Variants in WIPF3 observed in about 807,000 individuals in gnomAD.
The protein encoded by WIPF3 is WAS/WASL interacting protein family member 3, also known as WAS/WASL-interacting protein family member 3.
Under a neutral mutation model 38.9 loss-of-function variants are expected in WIPF3, and 33 were observed. The observed-to-expected ratio is 0.85, with a 90% CI of 0.64 to 1.14. The LOEUF is 1.14. WIPF3 is among the 50% of genes most tolerant of loss of function. WIPF3 has a pLI of 0.00. For synonymous variants in WIPF3, 324 were observed against 269.3 expected (o/e 1.20, Z -1.99); for missense variants, 711 against 652.5 (o/e 1.09, Z -0.98).
intron 4 of WIPF3, among the ~76,000 whole-genome samples, chr7:29,880,916 G>T (rs572221213): frequency 5.3e-5 from 8 of 152,170 alleles, no homozygotes; most frequent in African/African-American, 1.7e-4. Context: ...TTGAGCCTTT[G>T]CTCCCTCTCT....
At chr7:29,888,678 GC>G (rs1785942759) in intron 6 of WIPF3, among the ~76,000 whole-genome samples, 1 of 152,170 alleles carries the variant, frequency 6.6e-6, no homozygotes, top group Admixed American at 6.5e-5. Flanking sequence ...CAGATGTGAA[GC>G]CGTGGAATCT....
rs376450346 is a variant in WIPF3, at chr7:29,883,986, A to C, written c.492A>C (p.Thr164=). The change falls in exon 5 of 9, where the codon ACA becomes ACC. Residue 164 remains threonine (T), a synonymous_variant. Coordinates refer to ENST00000242140, the MANE Select transcript of WIPF3 (RefSeq NM_001080529.3). ...NTSEAHGAAR[T]APPRPNVPAP... ...CCGAGGCGCATGGCGCTGCCAGGAC[A>C]GCCCCGCCTCGCCCCAACGTGCCTG... 1,359 of 1,535,700 alleles carry C rather than the reference A, an allele frequency of 8.8e-4. 10 individuals are homozygous for C. The African/African-American group carries it at 0.011, about 13-fold the overall frequency.
intron 2 of WIPF3, among the ~76,000 whole-genome samples, chr7:29,868,015 A>T (rs1026840830): frequency 6.6e-6 from 1 of 152,248 alleles, no homozygotes; most frequent in Non-Finnish European, 1.5e-5. Context: ...CAAGACCAAT[A>T]TGTAGAAGCT....
At chr7:29,857,895 A>G (rs1276478993) in intron 2 of WIPF3, among the ~76,000 whole-genome samples, 2 of 152,230 alleles carry the variant, frequency 1.3e-5, no homozygotes, top group African/African-American at 2.4e-5. Context: ...CAAGACTTAC[A>G]TTCTGTATTT....
At chr7:29,838,960 C>T (rs182965900) in intron 2 of WIPF3, among the ~76,000 whole-genome samples, 4 of 152,222 alleles carry the variant, frequency 2.6e-5, no homozygotes, top group African/African-American at 7.2e-5. Flanking sequence ...TGTATGATCC[C>T]ATGTATATAA....
At chr7:29,891,847 G>A (rs1786031218) in intron 7 of WIPF3, among the ~76,000 whole-genome samples, 1 of 152,196 alleles carries the variant, frequency 6.6e-6, no homozygotes, top group South Asian at 2.1e-4. Flanking sequence ...AAGCCAGAGA[G>A]AGAGGGTCAC....
At chr7:29,893,567 G>T (rs1474008337) in intron 7 of WIPF3, among the ~76,000 whole-genome samples, 1 of 152,168 alleles carries the variant, frequency 6.6e-6, no homozygotes, top group Non-Finnish European at 1.5e-5. Context: ...TAATAAATGG[G>T]ACTTGACTTT....
intron 2 of WIPF3, among the ~76,000 whole-genome samples, chr7:29,839,412 A>T (rs1434653968): frequency 1.3e-5 from 2 of 152,234 alleles, no homozygotes; most frequent in East Asian, 3.8e-4. Flanking sequence ...TCACCCACAG[A>T]TGCTTCTTAC....
At chr7:29,880,820 C>G (rs557639178) in intron 4 of WIPF3, among the ~76,000 whole-genome samples, 1 of 152,322 alleles carries the variant, frequency 6.6e-6, no homozygotes, top group Admixed American at 6.5e-5. Flanking sequence ...AACACATGGA[C>G]TGGGTACCAT....
chr7:29,902,452 G>A (rs1365996961), intron 7 of WIPF3, among the ~76,000 whole-genome samples: 9 of 151,912 alleles, frequency 5.9e-5, no homozygotes, highest in African/African-American at 1.2e-4. Context: ...ACCCTTCTAC[G>A]TGATAGTCCA....
chr7:29,851,834 C>T (rs906026814), intron 2 of WIPF3, among the ~76,000 whole-genome samples: 2 of 152,178 alleles, frequency 1.3e-5, no homozygotes, highest in Non-Finnish European at 2.9e-5. Context: ...CCCTTCAGGC[C>T]CCACAGTGGG....
Position 29,891,646 on chromosome 7 carries a change from C to T in WIPF3, c.1351+2239C>T, listed in dbSNP as rs558825124. Reference sequence around the variant, plus strand: ...TCCCATCCTTGCTCAGTTCAGCGCGCTCACATGAACCGCCTGTCATACGGC... The same window carrying T: ...TCCCATCCTTGCTCAGTTCAGCGCGTTCACATGAACCGCCTGTCATACGGC... On this transcript the variant is annotated intron_variant, in intron 7 of 8. Transcript: ENST00000242140. Among the ~76,000 whole-genome samples the T allele has an allele frequency of 1.2e-4, 18 of 152,302 alleles. No homozygotes were observed. In the East Asian group the frequency reaches 3.3e-3, roughly 28 times the overall value.
chr7:29,876,926 A>C (rs1583614763), intron 3 of WIPF3, among the ~76,000 whole-genome samples: 2 of 152,208 alleles, frequency 1.3e-5, no homozygotes, highest in East Asian at 3.9e-4. Flanking sequence ...TGGGGAGACA[A>C]TACCTGGCTC....
intron 1 of WIPF3, among the ~76,000 whole-genome samples, chr7:29,820,654 T>C (rs1784521307): frequency 6.6e-6 from 1 of 152,156 alleles, no homozygotes; most frequent in Non-Finnish European, 1.5e-5. Context: ...ATCCACTTCT[T>C]CCCACCTCCC....
At chr7:29,902,265 C>CTTTTTTTTTT (rs141174377) in intron 7 of WIPF3, among the ~76,000 whole-genome samples, 14 of 116,384 alleles carry the variant, frequency 1.2e-4, no homozygotes, top group South Asian at 3.4e-4. Flanking sequence ...TTTTCTTCTT[C>CTTTTTTTTTT]TTCTTCTTCT....
At chr7:29,827,373 C>A (rs1784631864) in intron 1 of WIPF3, among the ~76,000 whole-genome samples, 1 of 152,178 alleles carries the variant, frequency 6.6e-6, no homozygotes, top group Non-Finnish European at 1.5e-5. Flanking sequence ...AAGTGACCAT[C>A]ATAAAACATT....
chr7:29,859,110 T>C (rs761629588), intron 2 of WIPF3, among the ~76,000 whole-genome samples: 7 of 152,114 alleles, frequency 4.6e-5, no homozygotes, highest in Non-Finnish European at 1.0e-4. Context: ...TGGGGAAATA[T>C]CTTCATGAAC....
intron 6 of WIPF3, among the ~76,000 whole-genome samples, chr7:29,888,510 CGT>C (rs1295673715): frequency 0.014 from 2,013 of 147,864 alleles, 43 homozygotes; most frequent in African/African-American, 0.044. Flanking sequence ...CGTGTGTGTG[CGT>C]GTGTGTGTGT....
At chr7:29,880,340 C>T (rs2128074533) in intron 4 of WIPF3, among the ~76,000 whole-genome samples, 1 of 152,266 alleles carries the variant, frequency 6.6e-6, no homozygotes, top group South Asian at 2.1e-4. Flanking sequence ...TGCTGCCTCA[C>T]TCACCAATAA....
Sources: gnomAD v4.1 joint callset for allele counts (sites outside exome capture counted in the v4.1 genomes callset) on GRCh38, gnomAD v4.1.1 for gene constraint, MANE v1.5 for transcripts, NCBI Gene and HGNC (gene_info 2026-07-23, HGNC 2026-07-21) for gene names.